Variants in MBTPS1 observed in about 807,000 individuals in gnomAD.
MBTPS1 encodes the protein membrane bound transcription factor peptidase, site 1.
Under a neutral mutation model 127.8 loss-of-function variants are expected in MBTPS1, and 94 were observed. That is an observed-to-expected ratio of 0.74 (90% CI 0.62 to 0.87). The LOEUF (loss-of-function observed/expected upper bound fraction) is 0.87, where lower values mean the gene tolerates loss of function less well. MBTPS1 is among the 40% of genes least tolerant of loss of function. The probability of loss-of-function intolerance (pLI) is 0.00; values close to 1 mark genes in which losing one functional copy is unlikely to be tolerated. For missense variants in MBTPS1, 1,636 were observed against 1,353.2 expected, an observed-to-expected ratio of 1.21 and a Z score of -3.28; for synonymous variants, 632 against 509.4, an observed-to-expected ratio of 1.24 and a Z score of -3.24.
At chr16:84,099,996 A>C (rs1426591554) in intron 2 of MBTPS1, among the ~76,000 whole-genome samples, 1 of 152,234 alleles carries the variant, frequency 6.6e-6, no homozygotes, top group African/African-American at 2.4e-5. Flanking sequence ...AAAATTCCAG[A>C]GTGGATTATG....
Position 84,059,357 on chromosome 16 carries a change from C to G in MBTPS1, c.2776G>C (p.Ala926Pro). 6.2e-7 allele frequency: 1 copy of G among 1,614,142 alleles called. No homozygotes were observed. The highest frequency in any genetic ancestry group is 8.5e-7 in the Non-Finnish European group (1 of 1,180,002). Reference protein sequence around the residue: ...LGDPKPRPLPACPRLSWAKPQ... With the variant: ...LGDPKPRPLPPCPRLSWAKPQ... Reference sequence around the variant, plus strand: ...TTGGCCCAAGACAAGCGTGGACAGGCTGGTAGAGGCCGAGGTTTTGGGTCT... The same window carrying G: ...TTGGCCCAAGACAAGCGTGGACAGGGTGGTAGAGGCCGAGGTTTTGGGTCT... Residue 926 changes from alanine to proline, a missense_variant, in exon 21 of 23, where the codon GCC becomes CCC. By Grantham distance (27) the Ala-to-Pro change is conservative (BLOSUM62 -1). Transcript: ENST00000343411.
At chr16:84,090,103 A>T (rs970332807) in intron 8 of MBTPS1, among the ~76,000 whole-genome samples, 1 of 152,208 alleles carries the variant, frequency 6.6e-6, no homozygotes, top group Admixed American at 6.5e-5. Context: ...TGATATGCAA[A>T]CATGAACTTC....
At position 84,095,614 on chromosome 16, in the gene MBTPS1, T is replaced by C. The variant is rs1472464721; in HGVS notation, c.613A>G (p.Met205Val). 2 of 1,614,216 alleles carry C rather than the reference T, an allele frequency of 1.2e-6. No homozygotes were observed. Among genetic ancestry groups the C allele is most frequent in the Admixed American group, 3.3e-5 (2 of 60,030 alleles). ...TAATAGCACACACCTGTATATCCCA[T>C]CTGCCAGAGCACATCTGCCTGCAGT... ...QTLQADVLWQMGYTGANVRVA... is the reference protein window; with the variant it reads ...QTLQADVLWQVGYTGANVRVA... Residue 205 changes from methionine (M) to valine (V), a missense_variant, in exon 4 of 23, where the codon ATG becomes GTG. Coordinates refer to ENST00000343411, the MANE Select transcript of MBTPS1 (RefSeq NM_003791.4).
intron 14 of MBTPS1, among the ~76,000 whole-genome samples, 171 bp from the exon 15 acceptor site, chr16:84,068,625 C>G (rs929341261): frequency 2.0e-5 from 3 of 152,234 alleles, no homozygotes; most frequent in African/African-American, 7.2e-5. Context: ...GTGCTCTGGT[C>G]TGGACACACG....
chr16:84,070,000 G>A lies in MBTPS1; in HGVS notation c.1821C>T (p.Leu607=), dbSNP rs2085746785. ...NGAEQTSTVK[L]PIKVKIIPTP... ...TAGGAATTATCTTCACCTTAATGGGGAGCTTTACTGTTGAAGTCTGTTCTG... is the reference window on the plus strand; with the variant it reads ...TAGGAATTATCTTCACCTTAATGGGAAGCTTTACTGTTGAAGTCTGTTCTG... The change falls in exon 14 of 23, where the codon CTC becomes CTT. Residue 607 remains leucine (L), a synonymous_variant. Transcript: ENST00000343411. The A allele has an allele frequency of 6.2e-7, 1 of 1,613,692 alleles. No homozygotes were observed. The highest frequency in any genetic ancestry group is 1.1e-5 in the South Asian group (1 of 90,992).
In MBTPS1 at chr16:84,090,888, C is replaced by A. The variant is rs746296237; in HGVS notation, c.1018G>T (p.Gly340Ter). 1.9e-6 allele frequency: 3 copies of A among 1,612,720 alleles called. No homozygotes were observed. The highest frequency in any genetic ancestry group is 2.5e-6 in the Non-Finnish European group (3 of 1,179,272). Residue 340 changes from glycine (G) to a stop codon, truncating the protein, a stop_gained, in exon 8 of 23, where the codon GGA becomes TGA. Coordinates refer to ENST00000343411, the MANE Select transcript of MBTPS1 (RefSeq NM_003791.4). LOFTEE classifies it high-confidence loss of function. ...VIMVSAIGND[G>*]PLYGTLNNPA... The stretch of plus-strand genomic sequence containing the variant: ...GGGGCTACTTACCCATAAAGAGGTC[C>A]GTCATTGCCAATAGCAGAAACCATG...
intron 8 of MBTPS1, 149 bp from the exon 9 acceptor site, chr16:84,087,609 C>T: frequency 1.6e-6 from 1 of 608,226 alleles, no homozygotes; most frequent in South Asian, 2.1e-5. Context: ...TGTGCAGCTC[C>T]TCACGGCTGT....
At chr16:84,109,366 G>C (rs2086368187) in intron 1 of MBTPS1, 1 of 152,198 alleles carries the variant, frequency 6.6e-6, no homozygotes, top group African/African-American at 2.4e-5. Context: ...ACAATGACAT[G>C]AAGTTTGAAA....
intron 12 of MBTPS1, among the ~76,000 whole-genome samples, chr16:84,073,299 G>T (rs1039599588): frequency 2.0e-5 from 3 of 151,988 alleles, no homozygotes; most frequent in Non-Finnish European, 4.4e-5. Context: ...ACGCCCAGCT[G>T]ATTTTTGTAT....
In MBTPS1 at chr16:84,070,962, C is replaced by T. The variant is rs146198494; in HGVS notation, c.1594-186G>A. On this transcript the variant is annotated intron_variant, in intron 12 of 22. Transcript: ENST00000343411. ...AAAGTAGCCTATGGACTGCCTCGGA[C>T]GTATCACTAGAAAAGTCTAGAAACC... 9.4e-3 allele frequency among the ~76,000 whole-genome samples: 1,439 copies of T among 152,280 alleles called. 10 individuals are homozygous for T. Among genetic ancestry groups the T allele is most frequent in the Non-Finnish European group, 0.013 (869 of 68,030 alleles).
chr16:84,108,270 G>A (rs960052705), intron 1 of MBTPS1, among the ~76,000 whole-genome samples: 1 of 151,540 alleles, frequency 6.6e-6, no homozygotes, highest in Non-Finnish European at 1.5e-5. Flanking sequence ...GAAAAGCACT[G>A]TTTTCTTCTT....
intron 14 of MBTPS1, among the ~76,000 whole-genome samples, chr16:84,069,418 G>A (rs2085737703): frequency 8.3e-6 from 1 of 120,710 alleles, no homozygotes; most frequent in African/African-American, 2.8e-5. Flanking sequence ...AACTGTGTTA[G>A]AATTTGTTTT....
intron 10 of MBTPS1, chr16:84,082,151 T>C (rs2085951406): frequency 9.5e-6 from 3 of 316,020 alleles, no homozygotes; most frequent in South Asian, 1.6e-4. Flanking sequence ...CAGTAACACA[T>C]ATTTTTGTGA....
At position 84,074,740 on chromosome 16, in the gene MBTPS1, A is replaced by C. The variant is rs139047420; in HGVS notation, c.1450T>G (p.Leu484Val). The change falls in exon 12 of 23, where the codon TTG becomes GTG. Residue 484 changes from leucine to valine, a missense_variant and splice_region_variant. Leu to Val is a conservative substitution (Grantham distance 32). Coordinates refer to ENST00000343411, the MANE Select transcript of MBTPS1 (RefSeq NM_003791.4). ...ILNSYKPQAS[L>V]SPSYIDLTEC... ...GTCAGATCTATGTAGCTGGGGCTCA[A>C]ACTGAAATAAAGAATACAGTGTTAG... The C allele has an allele frequency of 6.2e-7, 1 of 1,612,954 alleles. No individual in the cohort carries two copies. The highest frequency in any genetic ancestry group is 1.7e-5 in the Admixed American group (1 of 59,754).
chr16:84,078,854 T>G (rs8048792), intron 11 of MBTPS1, among the ~76,000 whole-genome samples: 41,887 of 152,106 alleles, frequency 0.28, 6,240 homozygotes, highest in East Asian at 0.43. Context: ...GGGGGAAGGA[T>G]AAACCCAAAC....
chr16:84,063,233 C>T, intron 19 of MBTPS1, 72 bp downstream of exon 19: 9 of 1,515,192 alleles, frequency 5.9e-6, no homozygotes, highest in South Asian at 3.5e-5. Context: ...ATCTCACGGG[C>T]GCCTTTCCAG....
At chr16:84,083,835 C>T (rs1450395895) in intron 10 of MBTPS1, among the ~76,000 whole-genome samples, 2 of 152,106 alleles carry the variant, frequency 1.3e-5, no homozygotes, top group Non-Finnish European at 2.9e-5. Context: ...GGGGAAAATA[C>T]AGTAACAAGA....
Position 84,066,594 on chromosome 16 carries a change from T to C in MBTPS1, c.2248A>G (p.Thr750Ala), listed in dbSNP as rs200002576. 1.2e-6 allele frequency: 2 copies of C among 1,614,006 alleles called. No individual in the cohort carries two copies. Among genetic ancestry groups the C allele is most frequent in the African/African-American group, 1.3e-5 (1 of 74,914 alleles). ...ENTRQWWMPD[T>A]GGANIPALNE... Reference sequence around the variant, plus strand: ...AGAGCTGGGATGTTAGCTCCTCCGGTATCCGGCATCCACCACTGCCTGGGA... The same window carrying C: ...AGAGCTGGGATGTTAGCTCCTCCGGCATCCGGCATCCACCACTGCCTGGGA... The change falls in exon 17 of 23, where the codon ACC becomes GCC. Residue 750 changes from threonine to alanine, a missense_variant. Coordinates refer to ENST00000343411, the MANE Select transcript of MBTPS1 (RefSeq NM_003791.4).
At chr16:84,091,381 G>C (rs535118254) in intron 7 of MBTPS1, among the ~76,000 whole-genome samples, 1 of 151,610 alleles carries the variant, frequency 6.6e-6, no homozygotes, top group Admixed American at 6.6e-5. Context: ...GGCTACTTGG[G>C]AGGCTGAGGC....
Sources: allele counts gnomAD v4.1 joint callset (sites outside exome capture counted in the v4.1 genomes callset), GRCh38; gene constraint gnomAD v4.1.1; transcripts MANE v1.5; gene names NCBI Gene and HGNC (gene_info 2026-07-23, HGNC 2026-07-21).